Variants in PALLD observed in about 807,000 individuals in gnomAD.
The protein encoded by PALLD is palladin, cytoskeletal associated protein, also known as palladin.
A neutral mutation model predicts 123.5 loss-of-function variants in PALLD; 61 were observed. That is an observed-to-expected ratio of 0.49 (90% CI 0.40 to 0.61). PALLD has a LOEUF of 0.61. Ranked by LOEUF, PALLD falls within the 20% of genes least tolerant of loss-of-function variation. The pLI, the probability that PALLD is intolerant of heterozygous loss-of-function variation, is 0.00. For missense variants in PALLD, 1,273 were observed against 1,377.0 expected (o/e 0.92, Z 1.20); for synonymous variants, 465 against 496.4 (o/e 0.94, Z 0.84).
intron 10 of PALLD, among the ~76,000 whole-genome samples, chr4:168,807,718 C>T (rs1305203360): frequency 1.3e-5 from 2 of 148,564 alleles, no homozygotes; most frequent in Non-Finnish European, 3.0e-5. Context: ...CTCGTTTTTT[C>T]CTTTGAGATA....
intron 10 of PALLD, among the ~76,000 whole-genome samples, chr4:168,759,226 T>A (rs565306735): frequency 0.032 from 1,188 of 36,762 alleles, 205 homozygotes; most frequent in African/African-American, 0.051. Context: ...TATATATATA[T>A]ATATATATAT....
At chr4:168,836,444 G>A (rs1745199570) in intron 10 of PALLD, among the ~76,000 whole-genome samples, 2 of 152,142 alleles carry the variant, frequency 1.3e-5, no homozygotes, top group Non-Finnish European at 2.9e-5. Context: ...TCATATAGAA[G>A]TGTTAAAAAT....
intron 2 of PALLD, among the ~76,000 whole-genome samples, chr4:168,542,762 A>G (rs1427064459): frequency 8.7e-6 from 1 of 114,964 alleles, no homozygotes; most frequent in African/African-American, 3.3e-5. Context: ...ATATATATAT[A>G]TGGAGAGAAA....
chr4:168,884,136 A>G (rs907774968), intron 10 of PALLD, among the ~76,000 whole-genome samples: 2 of 152,202 alleles, frequency 1.3e-5, no homozygotes, highest in African/African-American at 4.8e-5. Context: ...CTCAAAACTT[A>G]TAACTGCTTT....
At chr4:168,820,230 C>T (rs1340174826) in intron 10 of PALLD, among the ~76,000 whole-genome samples, 4 of 152,184 alleles carry the variant, frequency 2.6e-5, no homozygotes, top group Non-Finnish European at 4.4e-5. Flanking sequence ...CCATGTGCGC[C>T]GTGCCAAATG....
At chr4:168,653,107 C>T (rs909723857) in intron 2 of PALLD, among the ~76,000 whole-genome samples, 12 of 152,198 alleles carry the variant, frequency 7.9e-5, no homozygotes, top group Non-Finnish European at 1.8e-4. Context: ...TTCAGAGCAT[C>T]TAGTGACAGG....
At chr4:168,677,171 GTGT>G (rs1327314705) in intron 3 of PALLD, among the ~76,000 whole-genome samples, 2 of 151,464 alleles carry the variant, frequency 1.3e-5, no homozygotes, top group Non-Finnish European at 2.9e-5. Context: ...AGACTCCGTA[GTGT>G]TGTTTTTTTT....
chr4:168,707,186 C>T (rs187335677), intron 8 of PALLD, among the ~76,000 whole-genome samples: 132 of 152,244 alleles, frequency 8.7e-4, no homozygotes, highest in African/African-American at 3.1e-3. Flanking sequence ...AACGTTTGCT[C>T]TTAGAAGGAT....
intron 2 of PALLD, among the ~76,000 whole-genome samples, chr4:168,540,258 G>A (rs1435766170): frequency 1.3e-5 from 2 of 152,086 alleles, no homozygotes; most frequent in Admixed American, 6.5e-5. Flanking sequence ...CCATCTCAAC[G>A]TTTCACATTC....
chr4:168,920,437 C>G (rs1345108100), intron 17 of PALLD, among the ~76,000 whole-genome samples: 1 of 152,106 alleles, frequency 6.6e-6, no homozygotes, highest in African/African-American at 2.4e-5. Context: ...AAAGCTAGTT[C>G]TTCAAAAGAA....
chr4:168,611,415 G>A (rs111378136), intron 2 of PALLD, among the ~76,000 whole-genome samples: 19 of 152,224 alleles, frequency 1.2e-4, no homozygotes, highest in African/African-American at 3.9e-4. Flanking sequence ...ACATCCTGCC[G>A]GGGGCCAGCT....
chr4:168,830,679 T>G (rs1303379312), intron 10 of PALLD, among the ~76,000 whole-genome samples: 1 of 152,242 alleles, frequency 6.6e-6, no homozygotes, highest in Non-Finnish European at 1.5e-5. Context: ...CATTCAATTT[T>G]GGTTTATTGT....
chr4:168,572,985 T>C (rs1001834564), intron 2 of PALLD, among the ~76,000 whole-genome samples: 2 of 151,240 alleles, frequency 1.3e-5, no homozygotes. Flanking sequence ...TCTTCTGTTC[T>C]TAATATAATC....
intron 2 of PALLD, among the ~76,000 whole-genome samples, chr4:168,546,232 G>A (rs534491082): frequency 6.6e-6 from 1 of 152,090 alleles, no homozygotes; most frequent in Non-Finnish European, 1.5e-5. Context: ...AATAATGAGA[G>A]TGAGAGCAGT....
intron 2 of PALLD, among the ~76,000 whole-genome samples, chr4:168,556,149 G>T (rs974583192): frequency 6.6e-6 from 1 of 151,732 alleles, no homozygotes; most frequent in Non-Finnish European, 1.5e-5. Flanking sequence ...AGGCTGGAGT[G>T]CAGTGGCGCA....
chr4:168,668,427 G>A (rs1779863231), intron 3 of PALLD, 59 bp downstream of exon 3: 3 of 1,388,786 alleles, frequency 2.2e-6, no homozygotes. Flanking sequence ...AATGACTCCA[G>A]TATCTTGGGC....
At chr4:168,518,314 C>T (rs962380297) in intron 2 of PALLD, among the ~76,000 whole-genome samples, 2 of 152,120 alleles carry the variant, frequency 1.3e-5, no homozygotes, top group Admixed American at 1.3e-4. Context: ...TCCTTGCTTT[C>T]GTTATTGTTC....
At chr4:168,905,409 A>C (rs927125980) in intron 15 of PALLD, among the ~76,000 whole-genome samples, 8 of 151,476 alleles carry the variant, frequency 5.3e-5, no homozygotes, top group Admixed American at 2.0e-4. Flanking sequence ...CGGCCTCCCA[A>C]AGTGTTAGCA....
At chr4:168,557,831 G>T (rs1184790724) in intron 2 of PALLD, among the ~76,000 whole-genome samples, 2 of 152,132 alleles carry the variant, frequency 1.3e-5, no homozygotes, top group Non-Finnish European at 2.9e-5. Context: ...AGTCAGCTGT[G>T]AGCAGGGGGA....
Sources: gnomAD v4.1 joint callset for allele counts (sites outside exome capture counted in the v4.1 genomes callset) on GRCh38, gnomAD v4.1.1 for gene constraint, MANE v1.5 for transcripts, NCBI Gene and HGNC (gene_info 2026-07-23, HGNC 2026-07-21) for gene names.